The following DNM2 variants were observed in gnomAD, a reference collection of about 807,000 sequenced individuals.
The protein encoded by DNM2 is dynamin-2.
In DNM2, 15 loss-of-function variants were observed where a neutral mutation model predicts 99.0. That is an observed-to-expected ratio of 0.15 (90% CI 0.10 to 0.23). DNM2 has a LOEUF of 0.23. DNM2 is among the 10% of genes least tolerant of loss of function. The pLI, the probability that DNM2 is intolerant of heterozygous loss-of-function variation, is 1.00. For missense variants in DNM2, 742 were observed against 1,189.4 expected (o/e 0.62, Z 5.53); for synonymous variants, 525 against 481.2 (o/e 1.09, Z -1.19).
intron 1 of DNM2, among the ~76,000 whole-genome samples, chr19:10,729,189 A>AAAAAAAAAAAAAT (rs1568265508): frequency 6.9e-6 from 1 of 145,868 alleles, no homozygotes; most frequent in African/African-American, 2.6e-5. Context: ...AAAAAAAAAA[A>AAAAAAAAAAAAAT]ATATAAAAAA....
chr19:10,783,815 C>T (rs1275040150), intron 6 of DNM2, among the ~76,000 whole-genome samples: 1 of 151,834 alleles, frequency 6.6e-6, no homozygotes, highest in Non-Finnish European at 1.5e-5. Flanking sequence ...ATTCTCCTGC[C>T]TCAGCTTCCT....
At chr19:10,732,008 G>T (rs2069339532) in intron 1 of DNM2, among the ~76,000 whole-genome samples, 1 of 149,874 alleles carries the variant, frequency 6.7e-6, no homozygotes, top group Admixed American at 6.6e-5. Context: ...AGGCTGGAGT[G>T]CAATGGTGCA....
At chr19:10,821,202 G>A (rs1030556332) in intron 16 of DNM2, among the ~76,000 whole-genome samples, 3 of 152,098 alleles carry the variant, frequency 2.0e-5, no homozygotes, top group African/African-American at 4.8e-5. Flanking sequence ...CCAGCTGGCC[G>A]TGAAAACCTT....
intron 6 of DNM2, among the ~76,000 whole-genome samples, chr19:10,784,004 G>A (rs1490848910): frequency 2.0e-5 from 3 of 152,052 alleles, no homozygotes; most frequent in African/African-American, 4.8e-5. Flanking sequence ...CTGGCCTATC[G>A]TTCTCTTCTT....
intron 2 of DNM2, among the ~76,000 whole-genome samples, chr19:10,771,210 A>T (rs1257947436): frequency 6.6e-6 from 1 of 152,222 alleles, no homozygotes; most frequent in Non-Finnish European, 1.5e-5. Flanking sequence ...GGCTTTGTAC[A>T]GTGGACACCT....
intron 1 of DNM2, among the ~76,000 whole-genome samples, chr19:10,756,489 T>C (rs1436387273): frequency 6.6e-6 from 1 of 152,172 alleles, no homozygotes; most frequent in Non-Finnish European, 1.5e-5. Context: ...ATCAGCCGAA[T>C]GGGAGGCTGA....
rs1041384812 is a variant in DNM2 at position 10,765,074 on chromosome 19, C to A, written c.235+5263C>A. On this transcript the variant is annotated intron_variant, in intron 2 of 20. Coordinates refer to ENST00000389253, the MANE Select transcript of DNM2 (RefSeq NM_001005361.3). This position sits in a 1 kb window ranked among gnomAD's most constrained non-coding sequence, Gnocchi z 4.4. The stretch of plus-strand genomic sequence containing the variant: ...CCGGGTTCACACCATGCTCCTGTCT[C>A]AGCCTCCGGCGTAGCTGGGACTACA... 1.3e-5 allele frequency among the ~76,000 whole-genome samples: 2 copies of A among 151,888 alleles called. No individual in the cohort carries two copies. Among genetic ancestry groups the A allele is most frequent in the East Asian group, 3.9e-4 (2 of 5,178 alleles).
chr19:10,723,865 G>A (rs2069022086), intron 1 of DNM2, among the ~76,000 whole-genome samples: 1 of 152,156 alleles, frequency 6.6e-6, no homozygotes, highest in Non-Finnish European at 1.5e-5. Context: ...ATCCAGGCGG[G>A]AGGATCACTT....
chr19:10,759,606 C>T (rs2070547181), intron 1 of DNM2, 132 bp from the exon 2 acceptor site: 1 of 1,036,570 alleles, frequency 9.6e-7, no homozygotes, highest in Non-Finnish European at 1.5e-6. Context: ...TTCCCCAGGG[C>T]CCAGCTGGGG....
At chr19:10,787,644 A>G (rs1472562427) in intron 7 of DNM2, among the ~76,000 whole-genome samples, 6 of 151,674 alleles carry the variant, frequency 4.0e-5, no homozygotes, top group African/African-American at 1.5e-4. Flanking sequence ...AGTCCCAGCT[A>G]CACAGGAGGC....
rs1302898089 is a variant in DNM2 at position 10,823,794 on chromosome 19, C to T, written c.1788C>T (p.Val596=). 3 of 1,612,882 alleles carry T rather than the reference C, an allele frequency of 1.9e-6. No individual in the cohort carries two copies. The highest frequency in any genetic ancestry group is 1.3e-5 in the African/African-American group (1 of 74,888). Residue 596 remains valine, a synonymous_variant, in exon 17 of 21, where the codon GTC becomes GTT. Transcript: ENST00000389253. ...CTTCCCCACCCCCCCGCAGAAACGT[C>T]TACAAGGACCTGCGGCAGATCGAGC... The part of the protein sequence containing the change: ...FAIFNTEQRN[V]YKDLRQIELA...
At chr19:10,810,436 AT>A (rs2146102225) in intron 14 of DNM2, 1 of 152,290 alleles carries the variant, frequency 6.6e-6, no homozygotes, top group Admixed American at 6.5e-5. Flanking sequence ...CTAGGGTGGG[AT>A]TTTGTCTCTG....
chr19:10,788,567 A>C (rs1228948765), intron 7 of DNM2, among the ~76,000 whole-genome samples: 1 of 152,156 alleles, frequency 6.6e-6, no homozygotes, highest in Non-Finnish European at 1.5e-5. Flanking sequence ...GAGAAGAGAC[A>C]TGGGAGAGCG....
At chr19:10,806,629 T>C (rs377007289) in intron 13 of DNM2, among the ~76,000 whole-genome samples, 1 of 152,012 alleles carries the variant, frequency 6.6e-6, no homozygotes, top group African/African-American at 2.4e-5. Flanking sequence ...CCATCTCTAC[T>C]AAAAATACAA....
At chr19:10,759,267 C>T (rs1300349091) in intron 1 of DNM2, among the ~76,000 whole-genome samples, 1 of 152,178 alleles carries the variant, frequency 6.6e-6, no homozygotes, top group East Asian at 1.9e-4. Context: ...CAGTCACCCC[C>T]GTTCCCACAT....
chr19:10,722,004 C>A (rs1293242599), intron 1 of DNM2, among the ~76,000 whole-genome samples: 1 of 152,106 alleles, frequency 6.6e-6, no homozygotes, highest in East Asian at 1.9e-4. Context: ...GTGGATTTGG[C>A]GTTCTGGGCC....
At chr19:10,746,890 C>T (rs1023881879) in intron 1 of DNM2, among the ~76,000 whole-genome samples, 4 of 151,638 alleles carry the variant, frequency 2.6e-5, no homozygotes, top group Non-Finnish European at 2.9e-5. Context: ...GTGCCCACCA[C>T]CACGCCTGGC....
chr19:10,789,926 C>T (rs1033349011), intron 7 of DNM2, among the ~76,000 whole-genome samples: 2 of 152,244 alleles, frequency 1.3e-5, no homozygotes, highest in African/African-American at 4.8e-5. Flanking sequence ...CCATCACAAA[C>T]AGTCCCTGTC....
chr19:10,805,101 A>G (rs1222816129), intron 12 of DNM2, among the ~76,000 whole-genome samples: 1 of 152,244 alleles, frequency 6.6e-6, no homozygotes, highest in Non-Finnish European at 1.5e-5. Context: ...CTATGCCGGC[A>G]TGAACTAGCC....
Sources: gnomAD v4.1 joint callset for allele counts (sites outside exome capture counted in the v4.1 genomes callset) on GRCh38, gnomAD v4.1.1 for gene constraint, Gnocchi (gnomAD v3.1) non-coding constraint, MANE v1.5 for transcripts, NCBI Gene and HGNC (gene_info 2026-07-23, HGNC 2026-07-21) for gene names.